N4BP1: variants seen among roughly 807,000 people sequenced by gnomAD.
N4BP1 encodes NEDD4 binding protein 1.
In N4BP1, 21 loss-of-function variants were observed where a neutral mutation model predicts 70.9. The ratio of observed to expected loss-of-function variants is 0.30; its 90% CI spans 0.21 to 0.43. N4BP1 has a LOEUF of 0.43. Among genes scored for constraint, N4BP1 ranks in the 20% least tolerant of loss-of-function variants. N4BP1 has a pLI of 1.00. For synonymous variants in N4BP1, 387 were observed against 394.6 expected (o/e 0.98, Z 0.23); for missense variants, 936 against 1,069.4 (o/e 0.88, Z 1.74).
chr16:48,608,189 G>C (rs1469736204), intron 1 of N4BP1, among the ~76,000 whole-genome samples: 1 of 152,140 alleles, frequency 6.6e-6, no homozygotes, highest in Non-Finnish European at 1.5e-5. Flanking sequence ...CGATTCTCAA[G>C]AACACGGTTT....
At chr16:48,569,364 T>C (rs1020721765) in intron 1 of N4BP1, among the ~76,000 whole-genome samples, 3 of 152,150 alleles carry the variant, frequency 2.0e-5, no homozygotes, top group Admixed American at 6.5e-5. Context: ...CCAATATCAG[T>C]TCAGTTTTCA....
At chr16:48,570,094 C>CT (rs1304311796) in intron 1 of N4BP1, among the ~76,000 whole-genome samples, 1 of 150,202 alleles carries the variant, frequency 6.7e-6, no homozygotes, top group Non-Finnish European at 1.5e-5. Flanking sequence ...ATTTTGGTTC[C>CT]TGCAAGCTTC....
chr16:48,600,234 G>A (rs773651921), intron 1 of N4BP1: 21 of 825,240 alleles, frequency 2.5e-5, no homozygotes, highest in East Asian at 7.4e-5. Context: ...CATCCGCAAC[G>A]ACTGAAAGGT....
chr16:48,609,521 A>G (rs947238600), intron 1 of N4BP1, among the ~76,000 whole-genome samples: 1 of 152,174 alleles, frequency 6.6e-6, no homozygotes, highest in African/African-American at 2.4e-5. Flanking sequence ...CCCCACTTTC[A>G]TCCTCGCGAC....
At chr16:48,565,816 T>C (rs1043718000) in intron 1 of N4BP1, among the ~76,000 whole-genome samples, 1 of 152,254 alleles carries the variant, frequency 6.6e-6, no homozygotes, top group African/African-American at 2.4e-5. Flanking sequence ...TAGACAATTT[T>C]GAATAGCCTT....
chr16:48,594,177 G>A (rs1032406573), intron 1 of N4BP1, among the ~76,000 whole-genome samples: 3 of 152,160 alleles, frequency 2.0e-5, no homozygotes, highest in Non-Finnish European at 4.4e-5. Context: ...GGCGGAGGGG[G>A]TGGTGTTGAG....
At chr16:48,543,591 A>ACTCTTCTGAAG (rs1251316496) in intron 6 of N4BP1, among the ~76,000 whole-genome samples, 1 of 152,150 alleles carries the variant, frequency 6.6e-6, no homozygotes, top group African/African-American at 2.4e-5. Flanking sequence ...CAAAAGGTTT[A>ACTCTTCTGAAG]ACAGTGTCTT....
chr16:48,594,174 G>A (rs902531965), intron 1 of N4BP1, among the ~76,000 whole-genome samples: 1 of 152,144 alleles, frequency 6.6e-6, no homozygotes, highest in African/African-American at 2.4e-5. Context: ...GGTGGCGGAG[G>A]GGGTGGTGTT....
At chr16:48,602,452 A>C (rs1964516326) in intron 1 of N4BP1, among the ~76,000 whole-genome samples, 1 of 152,188 alleles carries the variant, frequency 6.6e-6, no homozygotes, top group Non-Finnish European at 1.5e-5. Context: ...GAAATGGACA[A>C]GAAAGAGGAA....
chr16:48,540,934 T>A lies in N4BP1; in HGVS notation c.*1970A>T, dbSNP rs1182656485. ...TGCTGTAACTGATGAAGGCAACCAATGAGCAATCCTTCCTTCCCATAGCCG... is the reference window on the plus strand; with the variant it reads ...TGCTGTAACTGATGAAGGCAACCAAAGAGCAATCCTTCCTTCCCATAGCCG... On this transcript the variant is annotated 3_prime_UTR_variant, in exon 7 of 7. Coordinates refer to ENST00000262384, the MANE Select transcript of N4BP1 (RefSeq NM_153029.4). 1 of 152,198 alleles carries A rather than the reference T, an allele frequency of 6.6e-6. No homozygotes were observed. The highest frequency in any genetic ancestry group is 2.4e-5 in the African/African-American group (1 of 41,438). 9.4% of individuals were successfully genotyped at this position (152,198 alleles called of 1,614,324 possible).
intron 1 of N4BP1, among the ~76,000 whole-genome samples, chr16:48,581,963 A>C (rs1964180897): frequency 6.6e-6 from 1 of 152,216 alleles, no homozygotes. Flanking sequence ...TAACAGAATT[A>C]CATCAAATAA....
intron 1 of N4BP1, among the ~76,000 whole-genome samples, chr16:48,581,858 GA>G (rs1964178768): frequency 6.6e-6 from 1 of 152,014 alleles, no homozygotes; most frequent in Admixed American, 6.6e-5. Flanking sequence ...ACTACTAGAT[GA>G]AAACATAGAG....
At chr16:48,573,450 G>A (rs992265332) in intron 1 of N4BP1, among the ~76,000 whole-genome samples, 10 of 151,986 alleles carry the variant, frequency 6.6e-5, no homozygotes, top group African/African-American at 9.7e-5. Flanking sequence ...AAAATTAGTC[G>A]GGCATTGTGG....
chr16:48,599,133 G>A (rs932787868), intron 1 of N4BP1, among the ~76,000 whole-genome samples: 21 of 152,102 alleles, frequency 1.4e-4, no homozygotes, highest in African/African-American at 4.1e-4. Flanking sequence ...TATCTGAGTC[G>A]TATACTGGTA....
intron 2 of N4BP1, 51 bp downstream of exon 2, chr16:48,560,702 CA>C: frequency 6.5e-7 from 1 of 1,539,118 alleles, no homozygotes; most frequent in African/African-American, 1.4e-5. Flanking sequence ...GATTCTGAGA[CA>C]CCATTTAGAG....
chr16:48,594,019 C>CAAAAAAAAAAAAAAAAAAAAAAAA (rs77597704), intron 1 of N4BP1, among the ~76,000 whole-genome samples: 1 of 95,094 alleles, frequency 1.1e-5, no homozygotes, highest in Non-Finnish European at 2.0e-5. Context: ...AAAAAAAAAA[C>CAAAAAAAAAAAAAAAAAAAAAAAA]AAAAAAAAAA....
intron 6 of N4BP1, among the ~76,000 whole-genome samples, chr16:48,543,688 C>T (rs1963544914): frequency 6.6e-6 from 1 of 152,082 alleles, no homozygotes; most frequent in Admixed American, 6.5e-5. Flanking sequence ...CAGTCCCCAC[C>T]GACTCAGTCT....
intron 3 of N4BP1, among the ~76,000 whole-genome samples, chr16:48,551,887 G>A (rs138664308): frequency 1.0e-3 from 156 of 152,086 alleles, no homozygotes; most frequent in African/African-American, 3.3e-3. Flanking sequence ...GTGTGGTGGC[G>A]CGTGCCTGTA....
chr16:48,572,786 G>A (rs1964037458), intron 1 of N4BP1, among the ~76,000 whole-genome samples: 1 of 152,094 alleles, frequency 6.6e-6, no homozygotes, highest in African/African-American at 2.4e-5. Flanking sequence ...AAAGTATTAA[G>A]GGTAGATATA....
Sources: allele counts gnomAD v4.1 joint callset (sites outside exome capture counted in the v4.1 genomes callset), GRCh38; gene constraint gnomAD v4.1.1; transcripts MANE v1.5; gene names NCBI Gene and HGNC (gene_info 2026-07-23, HGNC 2026-07-21).